RIC1: variants seen among roughly 807,000 people sequenced by gnomAD.
RIC1 encodes the protein RIC1 partner of RAB6A GEF complex.
Under a neutral mutation model 169.0 loss-of-function variants are expected in RIC1, and 88 were observed. The observed-to-expected ratio is 0.52, with a 90% confidence interval of 0.44 to 0.62. The LOEUF is 0.62. Ranked by LOEUF, RIC1 falls within the 20% of genes least tolerant of loss-of-function variation. The pLI is 0.00. For missense variants in RIC1, 1,877 were observed against 1,725.5 expected (o/e 1.09, Z -1.56); for synonymous variants, 790 against 601.5 (o/e 1.31, Z -4.59).
intron 7 of RIC1, among the ~76,000 whole-genome samples, chr9:5,733,401 C>G (rs1214613325): frequency 1.3e-5 from 2 of 151,532 alleles, no homozygotes; most frequent in Non-Finnish European, 2.9e-5. Flanking sequence ...GTAGCTGGGA[C>G]TGCAGGCGCC....
At chr9:5,652,999 C>T (rs919418650) in intron 1 of RIC1, among the ~76,000 whole-genome samples, 2 of 152,066 alleles carry the variant, frequency 1.3e-5, no homozygotes, top group Admixed American at 6.6e-5. Flanking sequence ...TGTAATATAT[C>T]ACATTTATTG....
intron 2 of RIC1, among the ~76,000 whole-genome samples, chr9:5,679,673 T>C (rs1820693226): frequency 6.6e-6 from 1 of 152,212 alleles, no homozygotes; most frequent in South Asian, 2.1e-4. Flanking sequence ...ATGCTTGTGA[T>C]TTTTGCACAT....
intron 25 of RIC1, among the ~76,000 whole-genome samples, chr9:5,773,527 A>C (rs186566561): frequency 8.5e-5 from 13 of 152,186 alleles, no homozygotes; most frequent in African/African-American, 3.1e-4. Flanking sequence ...AGAGCCTTGG[A>C]CTCTAGCCCT....
Position 5,772,947 on chromosome 9 carries a change from G to T in RIC1, c.3850G>T (p.Gly1284Cys). The change falls in exon 25 of 26, where the codon GGC (glycine) becomes TGC (cysteine). Residue 1284 changes from glycine to cysteine, a missense_variant. This residue lies in a region of RIC1 where 681 missense variants were observed against 582.0 expected (regional missense o/e 1.17). Transcript: ENST00000414202. ...GTGCCTAGACTGGTGCATCGTTATA[G>T]GCCTGATTCTTAGAGAATCCTCAAT... ...AGCLDWCIVI[G>C]LILRESSIIN... is the part of the protein sequence containing the mutation. The T allele has an allele frequency of 6.2e-7, 1 of 1,613,802 alleles. No individual in the cohort carries two copies. The highest frequency in any genetic ancestry group is 8.5e-7 in the Non-Finnish European group (1 of 1,179,808).
chr9:5,706,752 C>G (rs1205171139), intron 3 of RIC1, among the ~76,000 whole-genome samples: 1 of 152,116 alleles, frequency 6.6e-6, no homozygotes, highest in South Asian at 2.1e-4. Flanking sequence ...TTACAATATT[C>G]TCTTATAACC....
chr9:5,778,625 T>G (rs1209387150), downstream of RIC1, among the ~76,000 whole-genome samples: 5 of 152,244 alleles, frequency 3.3e-5, no homozygotes. Context: ...AAACATACAT[T>G]GCATCTACTG....
At chr9:5,716,109 G>A (rs941185571) in intron 4 of RIC1, among the ~76,000 whole-genome samples, 16 of 152,060 alleles carry the variant, frequency 1.1e-4, no homozygotes, top group African/African-American at 3.6e-4. Flanking sequence ...CTCTCAAAGT[G>A]CTGGGATTGC....
intron 8 of RIC1, among the ~76,000 whole-genome samples, chr9:5,739,351 C>G (rs547284547): frequency 1.3e-5 from 2 of 152,194 alleles, no homozygotes; most frequent in Non-Finnish European, 2.9e-5. Context: ...TGCAGAATCC[C>G]TACTTAGTGG....
chr9:5,770,398 C>T (rs891191576), intron 23 of RIC1, 120 bp downstream of exon 23: 65 of 890,320 alleles, frequency 7.3e-5, no homozygotes, highest in Admixed American at 6.8e-4. Flanking sequence ...CCATTTGTAT[C>T]CACTGGAGAG....
intron 1 of RIC1, among the ~76,000 whole-genome samples, chr9:5,636,682 T>C (rs1817987346): frequency 6.6e-6 from 1 of 152,244 alleles, no homozygotes; most frequent in Non-Finnish European, 1.5e-5. Context: ...CTTATTCTTG[T>C]ATATTGATTT....
chr9:5,690,723 G>GA (rs982152650), intron 3 of RIC1, among the ~76,000 whole-genome samples: 1 of 151,130 alleles, frequency 6.6e-6, no homozygotes, highest in Non-Finnish European at 1.5e-5. Context: ...AATATTAACA[G>GA]AAAAAAAGAA....
chr9:5,743,094 A>G, intron 9 of RIC1, 81 bp downstream of exon 9: 2 of 1,361,362 alleles, frequency 1.5e-6, no homozygotes, highest in Non-Finnish European at 1.0e-6. Flanking sequence ...TTGTGTCAGA[A>G]CTTCCCTTTT....
chr9:5,774,175 G>A lies in RIC1; in HGVS notation c.4201G>A (p.Glu1401Lys), dbSNP rs763468870. The A allele has an allele frequency of 6.2e-7, 1 of 1,613,612 alleles. No individual in the cohort carries two copies. ...VGSSNMVSRK[E>K]EDTAQAEEEE... The stretch of plus-strand genomic sequence containing the variant: ...AAGCAGCAATATGGTCAGCCGGAAA[G>A]AGGAGGACACAGCCCAAGCAGAGGA... The change falls in exon 26 of 26, where the codon GAG (glutamate) becomes AAG (lysine). Residue 1401 changes from glutamate (E) to lysine (K), a missense_variant. Transcript: ENST00000414202.
At position 5,693,065 on chromosome 9, in the gene RIC1, G is replaced by C. The variant is rs571243645; in HGVS notation, c.332+3027G>C. Reference sequence around the variant, plus strand: ...CTCAACCCTGTTTATGCTCCATCCAGCTACTACTTTGGGGTTTATCTGGGA... The same window carrying C: ...CTCAACCCTGTTTATGCTCCATCCACCTACTACTTTGGGGTTTATCTGGGA... On this transcript the variant is annotated intron_variant, in intron 3 of 25. Transcript: ENST00000414202. Among the ~76,000 whole-genome samples the C allele has an allele frequency of 6.7e-4, 102 of 152,060 alleles. 1 individual carries two copies. The highest frequency in any genetic ancestry group is 1.2e-3 in the Non-Finnish European group (83 of 67,938).
intron 1 of RIC1, among the ~76,000 whole-genome samples, chr9:5,641,353 A>G (rs1214563156): frequency 6.6e-6 from 1 of 151,966 alleles, no homozygotes; most frequent in African/African-American, 2.4e-5. Context: ...GGCCTCCCAA[A>G]GTGCTGGGAT....
chr9:5,735,435 G>T (rs1824639454), intron 7 of RIC1, among the ~76,000 whole-genome samples: 1 of 152,216 alleles, frequency 6.6e-6, no homozygotes, highest in African/African-American at 2.4e-5. Context: ...TCCTCCCTAG[G>T]CTATGGGCTT....
chr9:5,649,513 G>T (rs191566312), intron 1 of RIC1, among the ~76,000 whole-genome samples: 1 of 152,138 alleles, frequency 6.6e-6, no homozygotes, highest in African/African-American at 2.4e-5. Flanking sequence ...TCTTCGGTTT[G>T]AGGATTTCTG....
intron 17 of RIC1, 151 bp downstream of exon 17, chr9:5,757,602 G>A (rs1001588993): frequency 6.6e-6 from 5 of 751,994 alleles, no homozygotes; most frequent in Non-Finnish European, 1.1e-5. Flanking sequence ...AAATTAAAAA[G>A]ACATGGTTTC....
At chr9:5,725,543 T>A (rs1241915221) in intron 6 of RIC1, among the ~76,000 whole-genome samples, 1 of 152,194 alleles carries the variant, frequency 6.6e-6, no homozygotes, top group African/African-American at 2.4e-5. Flanking sequence ...ATGGTTTTTT[T>A]ATGTCTCTAT....
Sources: allele counts gnomAD v4.1 joint callset (sites outside exome capture counted in the v4.1 genomes callset), GRCh38; gene constraint gnomAD v4.1.1; regional missense constraint gnomAD v4.1.1; transcripts MANE v1.5; gene names NCBI Gene and HGNC (gene_info 2026-07-23, HGNC 2026-07-21).